Variants in FCF1 observed in about 807,000 individuals in gnomAD.
FCF1 encodes the protein FCF1 rRNA-processing protein.
A neutral mutation model predicts 32.5 loss-of-function variants in FCF1; 17 were observed. That is an observed-to-expected ratio of 0.52 (90% CI 0.36 to 0.78). The LOEUF (loss-of-function observed/expected upper bound fraction) is 0.78, where lower values mean the gene tolerates loss of function less well. Among genes scored for constraint, FCF1 ranks in the 30% least tolerant of loss-of-function variants. The probability of loss-of-function intolerance (pLI) is 0.00; values close to 1 mark genes in which losing one functional copy is unlikely to be tolerated. For missense variants in FCF1, 201 were observed against 241.1 expected, an observed-to-expected ratio of 0.83 and a Z score of 1.10; for synonymous variants, 84 against 78.4, an observed-to-expected ratio of 1.07 and a Z score of -0.38.
At chr14:74,713,415 G>C (rs2090361114) in intron 1 of FCF1, 70 bp from the exon 2 acceptor site, 3 of 1,556,038 alleles carry the variant, frequency 1.9e-6, no homozygotes, top group Non-Finnish European at 2.6e-6. Context: ...CAATAGACAA[G>C]AGAAAAGAAG....
At chr14:74,730,047 TGTG>T (rs2090614349) in intron 5 of FCF1, among the ~76,000 whole-genome samples, 1 of 151,958 alleles carries the variant, frequency 6.6e-6, no homozygotes, top group African/African-American at 2.4e-5. Context: ...TTGGAATAGG[TGTG>T]GTGTGGTGCT....
At chr14:74,730,399 T>C (rs1047697412) in intron 5 of FCF1, among the ~76,000 whole-genome samples, 1 of 151,884 alleles carries the variant, frequency 6.6e-6, no homozygotes, top group Non-Finnish European at 1.5e-5. Context: ...TTCTTTTGCA[T>C]GGCTAATTTT....
chr14:74,718,583 C>T (rs2090453347), intron 4 of FCF1, among the ~76,000 whole-genome samples: 1 of 152,074 alleles, frequency 6.6e-6, no homozygotes, highest in Non-Finnish European at 1.5e-5. Context: ...AAGTGATTCT[C>T]CTGCCTCAGC....
intron 4 of FCF1, among the ~76,000 whole-genome samples, chr14:74,722,630 A>T (rs1199338555): frequency 6.6e-6 from 1 of 151,868 alleles, no homozygotes; most frequent in African/African-American, 2.4e-5. Flanking sequence ...CTTGTGGTTC[A>T]CATTTAAATT....
chr14:74,713,623 TTG>T, intron 2 of FCF1, 71 bp downstream of exon 2: 9 of 1,383,174 alleles, frequency 6.5e-6, no homozygotes, highest in Non-Finnish European at 8.0e-6. Flanking sequence ...GTAAAAATGT[TTG>T]TTGTTATTAT....
At chr14:74,718,207 T>C (rs534773837) in intron 4 of FCF1, among the ~76,000 whole-genome samples, 1 of 152,250 alleles carries the variant, frequency 6.6e-6, no homozygotes, top group Admixed American at 6.5e-5. Flanking sequence ...CTCTTCCTCT[T>C]ACCTTGAAAA....
chr14:74,727,419 C>G (rs1028529211), intron 5 of FCF1, among the ~76,000 whole-genome samples: 1 of 152,144 alleles, frequency 6.6e-6, no homozygotes, highest in African/African-American at 2.4e-5. Context: ...TGAGTAGTGT[C>G]TGTTCATGTC....
rs779619603 is a variant in FCF1, at chr14:74,714,876, G to A, written c.76G>A (p.Glu26Lys). ...MLSLRDQRLK[E>K]KDRLKPKKKE... Reference sequence around the variant, plus strand: ...AATTTACCTTTTTCTTCCTAGTAAAGAAAAGGATAGATTAAAACCTAAAAA... The same window carrying A: ...AATTTACCTTTTTCTTCCTAGTAAAAAAAAGGATAGATTAAAACCTAAAAA... Residue 26 changes from glutamate to lysine, a missense_variant, in exon 3 of 8, where the codon GAA (glutamate) becomes AAA (lysine). By Grantham distance (56) the Glu-to-Lys change is moderately conservative. This residue lies in a region of FCF1 where 76 missense variants were observed against 75.0 expected (regional missense o/e 1.01). Coordinates refer to ENST00000341162, the MANE Select transcript of FCF1 (RefSeq NM_015962.5). The A allele has an allele frequency of 9.5e-6, 15 of 1,574,870 alleles. No homozygotes were observed. In the East Asian group the frequency reaches 1.8e-4, roughly 19 times the overall value.
At chr14:74,729,853 G>A (rs2090611849) in intron 5 of FCF1, among the ~76,000 whole-genome samples, 1 of 152,018 alleles carries the variant, frequency 6.6e-6, no homozygotes, top group African/African-American at 2.4e-5. Flanking sequence ...CCTTCATTTC[G>A]TTATGTACCC....
At chr14:74,731,863 AC>A (rs2090642455) in intron 5 of FCF1, among the ~76,000 whole-genome samples, 1 of 152,222 alleles carries the variant, frequency 6.6e-6, no homozygotes, top group South Asian at 2.1e-4. Context: ...ACTCATCATC[AC>A]TGTTAATAGA....
At chr14:74,722,523 A>T (rs12882425) in intron 4 of FCF1, among the ~76,000 whole-genome samples, 49,663 of 151,278 alleles carry the variant, frequency 0.33, 9,888 homozygotes, top group African/African-American at 0.56. Context: ...ATTTTTTTTT[A>T]AACTATTATA....
At chr14:74,732,145 T>G (rs2090645889) in intron 5 of FCF1, among the ~76,000 whole-genome samples, 1 of 145,010 alleles carries the variant, frequency 6.9e-6, no homozygotes, top group South Asian at 2.3e-4. Flanking sequence ...TTTTATTAAT[T>G]AAATCATATT....
At chr14:74,717,227 G>A (rs908617587) in intron 4 of FCF1, among the ~76,000 whole-genome samples, 13 of 152,072 alleles carry the variant, frequency 8.5e-5, no homozygotes, top group Non-Finnish European at 1.5e-4. Flanking sequence ...GTGGTGGCAC[G>A]TGACTGTAGT....
chr14:74,716,984 A>C (rs979793434), intron 4 of FCF1, among the ~76,000 whole-genome samples: 7 of 151,466 alleles, frequency 4.6e-5, no homozygotes, highest in Non-Finnish European at 2.9e-5. Context: ...GGGGTTAAGG[A>C]ATGTGTGAAG....
rs754615549 is a variant in FCF1, at chr14:74,715,833, A to G, written c.144-118A>G. The G allele has an allele frequency of 1.9e-6, 3 of 1,605,258 alleles. No homozygotes were observed. The African/African-American group carries it at 4.0e-5, about 21-fold the overall frequency. On this transcript the variant is annotated intron_variant, in intron 3 of 7. Coordinates refer to ENST00000341162, the MANE Select transcript of FCF1 (RefSeq NM_015962.5). ...CCTTCCTTTTTAGGATTTATTTCCA[A>G]TGAACATGGACAAAAGAGTTTACAG...
Position 74,737,465 on chromosome 14 carries a change from G to A in FCF1, c.*2535G>A, listed in dbSNP as rs2090717920. 6.6e-6 allele frequency: 1 copy of A among 152,196 alleles called. No homozygotes were observed. Among genetic ancestry groups the A allele is most frequent in the Admixed American group, 6.5e-5 (1 of 15,274 alleles). The allele number at this position is 152,196 out of a possible 1,614,324, so 9.4% of individuals were successfully genotyped here. A position where few individuals can be genotyped will look rare whatever the true frequency, so the allele number is the denominator to read the frequency against. On this transcript the variant is annotated 3_prime_UTR_variant, in exon 8 of 8. Transcript: ENST00000341162. Reference sequence around the variant, plus strand: ...TTTCATTAACAGGCCAAATAGTCTGGAGTCATTCTGTTAGTGTTAGAATAC... The same window carrying A: ...TTTCATTAACAGGCCAAATAGTCTGAAGTCATTCTGTTAGTGTTAGAATAC...
At chr14:74,717,172 A>C (rs1163992936) in intron 4 of FCF1, among the ~76,000 whole-genome samples, 2 of 143,072 alleles carry the variant, frequency 1.4e-5, no homozygotes, top group Admixed American at 1.4e-4. Context: ...TCTGGCCAAC[A>C]AGGTGAAACC....
At chr14:74,723,762 A>T in intron 5 of FCF1, among the ~76,000 whole-genome samples, 1 of 150,206 alleles carries the variant, frequency 6.7e-6, no homozygotes, top group Admixed American at 6.8e-5. Flanking sequence ...TAGGAGGCGG[A>T]GGTTGCAGTG....
At chr14:74,717,930 G>A (rs888244640) in intron 4 of FCF1, among the ~76,000 whole-genome samples, 6 of 151,976 alleles carry the variant, frequency 3.9e-5, no homozygotes, top group East Asian at 1.9e-4. Context: ...GCTGGAGTGC[G>A]TTGGCGTGAT....
Sources: gnomAD v4.1 joint callset for allele counts (sites outside exome capture counted in the v4.1 genomes callset) on GRCh38, gnomAD v4.1.1 for gene constraint, gnomAD v4.1.1 regional missense constraint, MANE v1.5 for transcripts, NCBI Gene and HGNC (gene_info 2026-07-23, HGNC 2026-07-21) for gene names.